The following HS3ST4 variants were observed in gnomAD, a reference collection of about 807,000 sequenced individuals.
The protein encoded by HS3ST4 is heparan sulfate-glucosamine 3-sulfotransferase 4, also known as heparan sulfate glucosamine 3-O-sulfotransferase 4.
In HS3ST4, 17 loss-of-function variants were observed where a neutral mutation model predicts 29.2. That is an observed-to-expected ratio of 0.58 (90% confidence interval 0.40 to 0.87). The LOEUF is 0.87. Ranked by LOEUF, HS3ST4 falls within the 40% of genes least tolerant of loss-of-function variation. The pLI is 0.00. For synonymous variants in HS3ST4, 314 were observed against 285.7 expected, an observed-to-expected ratio of 1.10 and a Z score of -1.00; for missense variants, 627 against 634.5, an observed-to-expected ratio of 0.99 and a Z score of 0.13.
chr16:26,055,786 T>G (rs909224849), intron 1 of HS3ST4, among the ~76,000 whole-genome samples: 21 of 152,308 alleles, frequency 1.4e-4, no homozygotes, highest in African/African-American at 4.8e-4. Context: ...AATAATATGC[T>G]GATATATTGT....
chr16:25,893,774 G>A (rs1201694142), intron 1 of HS3ST4, among the ~76,000 whole-genome samples: 1 of 152,182 alleles, frequency 6.6e-6, no homozygotes, highest in Non-Finnish European at 1.5e-5. Flanking sequence ...CAAGGTGATG[G>A]GCATTGGACA....
At chr16:25,951,529 C>T (rs1165843959) in intron 1 of HS3ST4, among the ~76,000 whole-genome samples, 1 of 152,130 alleles carries the variant, frequency 6.6e-6, no homozygotes, top group East Asian at 1.9e-4. Context: ...GTACTATACA[C>T]CCAAATGGCA....
intron 1 of HS3ST4, among the ~76,000 whole-genome samples, chr16:26,029,418 T>C (rs1969511277): frequency 7.0e-6 from 1 of 142,222 alleles, no homozygotes; most frequent in Non-Finnish European, 1.6e-5. Flanking sequence ...GGGGTAGTTC[T>C]TTTTTTTTTT....
intron 1 of HS3ST4, among the ~76,000 whole-genome samples, chr16:26,050,372 C>G (rs1360398051): frequency 6.6e-6 from 1 of 152,168 alleles, no homozygotes; most frequent in South Asian, 2.1e-4. Context: ...CTGAAATCAT[C>G]CCATAAGCTG....
Position 25,971,914 on chromosome 16 carries a change from G to C in HS3ST4, c.735-163698G>C, listed in dbSNP as rs924682759. On this transcript the variant is annotated intron_variant, in intron 1 of 1. Coordinates refer to ENST00000331351, the MANE Select transcript of HS3ST4 (RefSeq NM_006040.3). ...CCACTGGACTCCAGCCTGGGCTACA[G>C]AGTGAGACTCCATCTCAAAAAAGAA... Among the ~76,000 whole-genome samples the C allele has an allele frequency of 2.0e-4, 31 of 152,246 alleles. 1 individual carries two copies. The highest frequency in any genetic ancestry group is 1.8e-3 in the Admixed American group (27 of 15,286).
rs111475368 is a variant in HS3ST4, at chr16:26,064,148, C to G, written c.735-71464C>G. Among the ~76,000 whole-genome samples the G allele has an allele frequency of 3.8e-3, 573 of 152,152 alleles. 4 individuals are homozygous for G. The highest frequency in any genetic ancestry group is 0.013 in the African/African-American group (551 of 41,510). On this transcript the variant is annotated intron_variant, in intron 1 of 1. Transcript: ENST00000331351. ...CTATGGTGAGCCAGACAGCACAGAC[C>G]CTCTTTAAGAAACCAGCCATTGTTC...
At chr16:26,005,054 A>T (rs1234663620) in intron 1 of HS3ST4, among the ~76,000 whole-genome samples, 1 of 152,122 alleles carries the variant, frequency 6.6e-6, no homozygotes, top group East Asian at 1.9e-4. Context: ...TCCTCTTCTA[A>T]GCTAAAATAG....
chr16:26,096,140 T>C (rs1375302268), intron 1 of HS3ST4, among the ~76,000 whole-genome samples: 1 of 152,140 alleles, frequency 6.6e-6, no homozygotes, highest in Non-Finnish European at 1.5e-5. Flanking sequence ...ACCAGACAGA[T>C]TCACAGCCGA....
intron 1 of HS3ST4, among the ~76,000 whole-genome samples, chr16:25,735,769 A>G (rs1966604739): frequency 6.6e-6 from 1 of 152,130 alleles, no homozygotes; most frequent in African/African-American, 2.4e-5. Flanking sequence ...CAAAAGTTTT[A>G]AGGCTGACTT....
chr16:25,701,729 G>T (rs909653027), intron 1 of HS3ST4, among the ~76,000 whole-genome samples: 3 of 152,186 alleles, frequency 2.0e-5, no homozygotes, highest in Non-Finnish European at 2.9e-5. Flanking sequence ...GTGCTTGGCT[G>T]AAACATGAAC....
intron 1 of HS3ST4, among the ~76,000 whole-genome samples, chr16:25,943,096 G>T (rs1282360985): frequency 6.6e-6 from 1 of 152,118 alleles, no homozygotes; most frequent in East Asian, 1.9e-4. Context: ...TTGAGCCCCT[G>T]CCAATTGCCA....
chr16:25,760,830 G>T (rs1026859604), intron 1 of HS3ST4, among the ~76,000 whole-genome samples: 2 of 152,108 alleles, frequency 1.3e-5, no homozygotes, highest in African/African-American at 4.8e-5. Context: ...TTATTTTGTG[G>T]GGAGATATAA....
At chr16:26,000,787 A>C (rs1969205302) in intron 1 of HS3ST4, among the ~76,000 whole-genome samples, 1 of 152,192 alleles carries the variant, frequency 6.6e-6, no homozygotes, top group Non-Finnish European at 1.5e-5. Context: ...TGTGAACTTC[A>C]TAAATGTCTT....
intron 1 of HS3ST4, among the ~76,000 whole-genome samples, chr16:26,132,087 A>G (rs1312820667): frequency 6.6e-6 from 1 of 152,162 alleles, no homozygotes; most frequent in Non-Finnish European, 1.5e-5. Flanking sequence ...TGCTATAAAG[A>G]GCTCTTTATG....
At chr16:26,061,215 C>T (rs1898471402) in intron 1 of HS3ST4, among the ~76,000 whole-genome samples, 2 of 152,204 alleles carry the variant, frequency 1.3e-5, no homozygotes, top group Admixed American at 1.3e-4. Context: ...ATCATTTCCA[C>T]AGACTAGTTT....
At chr16:25,933,595 G>A (rs1968486789) in intron 1 of HS3ST4, among the ~76,000 whole-genome samples, 1 of 152,122 alleles carries the variant, frequency 6.6e-6, no homozygotes, top group Non-Finnish European at 1.5e-5. Flanking sequence ...AATCACAGCT[G>A]GTGTATTGGT....
intron 1 of HS3ST4, among the ~76,000 whole-genome samples, chr16:25,888,958 C>T (rs1596603718): frequency 6.6e-6 from 1 of 152,186 alleles, no homozygotes; most frequent in East Asian, 1.9e-4. Flanking sequence ...CTGAGCCAGA[C>T]CTACCGCTTC....
intron 1 of HS3ST4, among the ~76,000 whole-genome samples, chr16:25,856,200 G>T (rs1364951753): frequency 6.6e-6 from 1 of 152,024 alleles, no homozygotes; most frequent in Non-Finnish European, 1.5e-5. Context: ...CTGTGTTTTG[G>T]CACAGAACTC....
At chr16:25,723,702 A>G (rs868820744) in intron 1 of HS3ST4, among the ~76,000 whole-genome samples, 8 of 152,236 alleles carry the variant, frequency 5.3e-5, no homozygotes, top group Middle Eastern at 3.2e-3. Context: ...TCTTCAGCCT[A>G]GAAGTGATTT....
Sources: allele counts gnomAD v4.1 joint callset (sites outside exome capture counted in the v4.1 genomes callset), GRCh38; gene constraint gnomAD v4.1.1; transcripts MANE v1.5; gene names NCBI Gene and HGNC (gene_info 2026-07-23, HGNC 2026-07-21).